Variants in ANKS1B observed in about 807,000 individuals in gnomAD.
The protein encoded by ANKS1B is ankyrin repeat and sterile alpha motif domain containing 1B, also known as ankyrin repeat and sterile alpha motif domain-containing protein 1B.
Under a neutral mutation model 148.3 loss-of-function variants are expected in ANKS1B, and 36 were observed. The observed-to-expected ratio is 0.24, with a 90% CI of 0.19 to 0.32. The LOEUF (loss-of-function observed/expected upper bound fraction) is 0.32. ANKS1B is among the 10% of genes least tolerant of loss of function. ANKS1B has a pLI of 1.00. For synonymous variants in ANKS1B, 542 were observed against 560.8 expected, an observed-to-expected ratio of 0.97 and a Z score of 0.47; for missense variants, 1,157 against 1,542.6, an observed-to-expected ratio of 0.75 and a Z score of 4.19.
chr12:99,463,720 T>C (rs1041682494), intron 10 of ANKS1B, among the ~76,000 whole-genome samples: 3 of 152,068 alleles, frequency 2.0e-5, no homozygotes, highest in Non-Finnish European at 4.4e-5. Flanking sequence ...AACTGCAAGG[T>C]GGCAGCGAGG....
intron 1 of ANKS1B, among the ~76,000 whole-genome samples, chr12:99,845,927 G>A (rs1167320633): frequency 6.6e-6 from 1 of 151,938 alleles, no homozygotes; most frequent in Non-Finnish European, 1.5e-5. Context: ...TTTCAGTTAA[G>A]CAAAAGAATG....
At chr12:99,393,444 TAGA>T (rs1333410101) in intron 12 of ANKS1B, among the ~76,000 whole-genome samples, 1 of 152,182 alleles carries the variant, frequency 6.6e-6, no homozygotes, top group African/African-American at 2.4e-5. Flanking sequence ...GGACAAAGTA[TAGA>T]AGAAGTGAAC....
chr12:98,920,187 A>G (rs1351175687), intron 17 of ANKS1B, among the ~76,000 whole-genome samples: 1 of 152,212 alleles, frequency 6.6e-6, no homozygotes, highest in African/African-American at 2.4e-5. Context: ...TACTCTTCAC[A>G]TGGCATTCTC....
intron 16 of ANKS1B, among the ~76,000 whole-genome samples, chr12:99,068,355 C>T (rs944447465): frequency 6.6e-6 from 1 of 152,116 alleles, no homozygotes; most frequent in African/African-American, 2.4e-5. Context: ...GCTATTGCTC[C>T]TAGTCTATAA....
At chr12:99,128,753 G>C (rs1020021045) in intron 15 of ANKS1B, among the ~76,000 whole-genome samples, 2 of 152,274 alleles carry the variant, frequency 1.3e-5, no homozygotes, top group Middle Eastern at 3.4e-3. Flanking sequence ...TCCTGTCACT[G>C]TTTGTGGTAG....
At chr12:98,856,220 C>T (rs924880617) in intron 17 of ANKS1B, among the ~76,000 whole-genome samples, 1 of 152,334 alleles carries the variant, frequency 6.6e-6, no homozygotes, top group Non-Finnish European at 1.5e-5. Context: ...GATGTATATA[C>T]AGTGTAGCTA....
downstream of ANKS1B, among the ~76,000 whole-genome samples, chr12:98,739,347 G>T (rs113988715): frequency 2.9e-4 from 44 of 152,322 alleles, no homozygotes; most frequent in African/African-American, 9.6e-4. Context: ...TGCTTAACTT[G>T]TATCTGTGCC....
At position 99,489,850 on chromosome 12, in the gene ANKS1B, A is replaced by C. The variant is rs541779501; in HGVS notation, c.1438+14626T>G. Among the ~76,000 whole-genome samples the C allele has an allele frequency of 6.6e-5, 10 of 152,348 alleles. No homozygotes were observed. In the South Asian group the frequency reaches 2.1e-3, roughly 32 times the overall value. On this transcript the variant is annotated intron_variant, in intron 10 of 26. Coordinates refer to ENST00000683438, the MANE Select transcript of ANKS1B (RefSeq NM_001352186.2). Reference sequence around the variant, plus strand: ...AAACACTAGATGATTATTTGGTAATAAATTGAATGGTTCTATGGAAATGAA... The same window carrying C: ...AAACACTAGATGATTATTTGGTAATCAATTGAATGGTTCTATGGAAATGAA...
At chr12:98,849,240 T>A (rs112568636) in intron 17 of ANKS1B, among the ~76,000 whole-genome samples, 217 of 152,270 alleles carry the variant, frequency 1.4e-3, no homozygotes, top group African/African-American at 4.9e-3. Flanking sequence ...TCTTTTTTTT[T>A]TTTATTTAGA....
At chr12:99,884,986 T>C (rs916730085) in intron 1 of ANKS1B, among the ~76,000 whole-genome samples, 1 of 152,030 alleles carries the variant, frequency 6.6e-6, no homozygotes, top group African/African-American at 2.4e-5. Flanking sequence ...CACTATTTAA[T>C]GTGATCTTAG....
At chr12:99,409,853 A>C (rs942752725) in intron 11 of ANKS1B, among the ~76,000 whole-genome samples, 2 of 152,208 alleles carry the variant, frequency 1.3e-5, no homozygotes, top group African/African-American at 4.8e-5. Flanking sequence ...AAAAAAGAAA[A>C]AGTGTTTTCA....
intron 17 of ANKS1B, among the ~76,000 whole-genome samples, chr12:98,901,305 T>C (rs2099771635): frequency 6.6e-6 from 1 of 152,316 alleles, no homozygotes; most frequent in East Asian, 1.9e-4. Flanking sequence ...TTCCTGGTAG[T>C]TGGAAGGCCT....
In ANKS1B at chr12:99,204,658, C is replaced by T. The variant is rs78009424; in HGVS notation, c.2419+39684G>A. Among the ~76,000 whole-genome samples the T allele has an allele frequency of 7.8e-3, 1,192 of 152,254 alleles. 18 individuals carry two copies. Among genetic ancestry groups the T allele is most frequent in the African/African-American group, 0.028 (1,144 of 41,546 alleles). On this transcript the variant is annotated intron_variant, in intron 14 of 26. Transcript: ENST00000683438. Reference sequence around the variant, plus strand: ...TTGCTTTCAAGTACTTTGTAGTGGGCTGCATGTCTGTTTTGACGATTCCCC... The same window carrying T: ...TTGCTTTCAAGTACTTTGTAGTGGGTTGCATGTCTGTTTTGACGATTCCCC...
intron 9 of ANKS1B, among the ~76,000 whole-genome samples, chr12:99,613,174 C>T (rs556841648): frequency 6.6e-5 from 10 of 152,194 alleles, no homozygotes; most frequent in African/African-American, 2.4e-4. Flanking sequence ...GCATTTTCGA[C>T]TATTATTCAA....
At chr12:99,172,233 G>C (rs918104578) in intron 14 of ANKS1B, among the ~76,000 whole-genome samples, 2 of 152,136 alleles carry the variant, frequency 1.3e-5, no homozygotes, top group Admixed American at 6.6e-5. Context: ...AGAAATGGAG[G>C]CAGGATAAGT....
At chr12:99,012,432 G>A (rs567553669) in intron 17 of ANKS1B, among the ~76,000 whole-genome samples, 1 of 152,208 alleles carries the variant, frequency 6.6e-6, no homozygotes, top group South Asian at 2.1e-4. Flanking sequence ...CAATTTCTAA[G>A]ACTTTATATT....
At chr12:99,061,789 A>C (rs1364616552) in intron 16 of ANKS1B, among the ~76,000 whole-genome samples, 1 of 152,188 alleles carries the variant, frequency 6.6e-6, no homozygotes, top group Non-Finnish European at 1.5e-5. Context: ...ATTACATTGT[A>C]TTATCTCTTG....
In ANKS1B at chr12:99,141,456, T is replaced by C. The variant is rs1357727496; in HGVS notation, c.2526+12833A>G. Among the ~76,000 whole-genome samples, 5 of 151,786 alleles carry C rather than the reference T, an allele frequency of 3.3e-5. No individual in the cohort carries two copies. The South Asian group carries it at 8.4e-4, about 25-fold the overall frequency. Reference sequence around the variant, plus strand: ...ATTTTAAGTTCCTAGGGTATATGTATAGGATGTGCAGGTTTGTTACATAGG... The same window carrying C: ...ATTTTAAGTTCCTAGGGTATATGTACAGGATGTGCAGGTTTGTTACATAGG... On this transcript the variant is annotated intron_variant, in intron 15 of 26. Transcript: ENST00000683438.
intron 9 of ANKS1B, among the ~76,000 whole-genome samples, chr12:99,619,185 C>T (rs1348714521): frequency 1.3e-5 from 2 of 151,858 alleles, no homozygotes; most frequent in African/African-American, 4.8e-5. Context: ...ACAGCCTGAG[C>T]CACCCCACCC....
Sources: gnomAD v4.1 joint callset for allele counts (sites outside exome capture counted in the v4.1 genomes callset) on GRCh38, gnomAD v4.1.1 for gene constraint, MANE v1.5 for transcripts, NCBI Gene and HGNC (gene_info 2026-07-23, HGNC 2026-07-21) for gene names.